The following ADGRB3 variants were observed in gnomAD, a reference collection of about 807,000 sequenced individuals.
ADGRB3 encodes the protein brain-specific angiogenesis inhibitor 3.
In ADGRB3, 37 loss-of-function variants were observed where a neutral mutation model predicts 193.4. That is an observed-to-expected ratio of 0.19 (90% CI 0.15 to 0.25). The LOEUF is 0.25. Among genes scored for constraint, ADGRB3 ranks in the 10% least tolerant of loss-of-function variants. ADGRB3 has a pLI of 1.00. For missense variants in ADGRB3, 1,637 were observed against 1,852.9 expected (o/e 0.88, Z 2.14); for synonymous variants, 690 against 644.2 (o/e 1.07, Z -1.08).
chr6:68,703,877 C>A (rs978047974), intron 3 of ADGRB3, among the ~76,000 whole-genome samples: 7 of 152,156 alleles, frequency 4.6e-5, no homozygotes, highest in African/African-American at 1.7e-4. Context: ...CCTGCCTCAG[C>A]CTCCAAAAGT....
At chr6:68,669,050 G>T (rs1297936348) in intron 3 of ADGRB3, among the ~76,000 whole-genome samples, 1 of 151,914 alleles carries the variant, frequency 6.6e-6, no homozygotes, top group Non-Finnish European at 1.5e-5. Context: ...GTGAATGTAT[G>T]TATGTATTTA....
chr6:68,675,326 G>T (rs1301983609), intron 3 of ADGRB3, among the ~76,000 whole-genome samples: 1 of 151,914 alleles, frequency 6.6e-6, no homozygotes, highest in East Asian at 1.9e-4. Context: ...TTAAATTCTG[G>T]CCCTAAAGCA....
chr6:69,103,643 T>G (rs2150322672), intron 17 of ADGRB3, among the ~76,000 whole-genome samples: 1 of 152,070 alleles, frequency 6.6e-6, no homozygotes, highest in South Asian at 2.1e-4. Flanking sequence ...TATCTTTAAT[T>G]TTATCCTGTA....
At chr6:68,794,640 C>A (rs1319149212) in intron 3 of ADGRB3, among the ~76,000 whole-genome samples, 2 of 152,050 alleles carry the variant, frequency 1.3e-5, no homozygotes, top group African/African-American at 4.8e-5. Flanking sequence ...CAATTACCAC[C>A]TTTACAATCT....
At chr6:68,789,964 A>G (rs1412421205) in intron 3 of ADGRB3, among the ~76,000 whole-genome samples, 3 of 152,046 alleles carry the variant, frequency 2.0e-5, no homozygotes, top group African/African-American at 4.8e-5. Flanking sequence ...AGGCTTCTGC[A>G]TTTGTCACGT....
intron 3 of ADGRB3, among the ~76,000 whole-genome samples, chr6:68,779,589 T>A (rs761748430): frequency 6.6e-6 from 1 of 152,136 alleles, no homozygotes; most frequent in Non-Finnish European, 1.5e-5. Context: ...GTAGTATGTC[T>A]GCCTCCGACT....
At chr6:69,155,637 A>C (rs1459862017) in intron 17 of ADGRB3, among the ~76,000 whole-genome samples, 1 of 152,200 alleles carries the variant, frequency 6.6e-6, no homozygotes, top group Admixed American at 6.5e-5. Flanking sequence ...ATCAATCCCA[A>C]TCAGTCAATC....
chr6:69,360,859 C>T lies in ADGRB3; in HGVS notation c.3596-10C>T, dbSNP rs761920905. 1.5e-5 allele frequency: 24 copies of T among 1,570,822 alleles called. 1 individual carries two copies. The South Asian group carries it at 2.7e-4, about 18-fold the overall frequency. Reference sequence around the variant, plus strand: ...ACTCTCTTTCTTCAACTTTACATTCCTACTCACAGTTCTTCATAAGGATAT... The same window carrying T: ...ACTCTCTTTCTTCAACTTTACATTCTTACTCACAGTTCTTCATAAGGATAT... On this transcript the variant is annotated splice_polypyrimidine_tract_variant and intron_variant, in intron 28 of 31. Transcript: ENST00000370598.
At chr6:69,318,011 T>G (rs559898030) in intron 20 of ADGRB3, among the ~76,000 whole-genome samples, 236 of 151,586 alleles carry the variant, frequency 1.6e-3, no homozygotes, top group Admixed American at 2.7e-3. Flanking sequence ...AATTGATTAT[T>G]TTTGGATTTT....
At chr6:68,940,660 G>A (rs1175732184) in intron 5 of ADGRB3, among the ~76,000 whole-genome samples, 1 of 149,436 alleles carries the variant, frequency 6.7e-6, no homozygotes. Flanking sequence ...AGCACTTTGG[G>A]AGGCGGAGGC....
intron 21 of ADGRB3, 23 bp from the exon 22 acceptor site, chr6:69,327,797 G>T (rs1768611886): frequency 1.2e-6 from 2 of 1,600,594 alleles, no homozygotes; most frequent in South Asian, 2.2e-5. Flanking sequence ...AAATATGAAT[G>T]CGTGACATTG....
chr6:69,267,019 T>A (rs1311661060), intron 20 of ADGRB3, among the ~76,000 whole-genome samples: 1 of 152,082 alleles, frequency 6.6e-6, no homozygotes, highest in Non-Finnish European at 1.5e-5. Context: ...ATTATGATTT[T>A]CAGAGTCTTC....
chr6:69,332,839 T>C, intron 23 of ADGRB3, 84 bp from the exon 24 acceptor site: 2 of 1,558,552 alleles, frequency 1.3e-6, no homozygotes, highest in Non-Finnish European at 1.7e-6. Context: ...GGTTATGAAT[T>C]GATAAAAATA....
At chr6:69,232,320 G>A in intron 17 of ADGRB3, 1 of 1,012,150 alleles carries the variant, frequency 9.9e-7, no homozygotes, top group Non-Finnish European at 1.3e-6. Context: ...TGCTGGGGGT[G>A]GAAGGGTTCT....
intron 17 of ADGRB3, among the ~76,000 whole-genome samples, chr6:69,217,374 A>G (rs996818303): frequency 6.6e-6 from 1 of 152,190 alleles, no homozygotes; most frequent in African/African-American, 2.4e-5. Context: ...GATTGCAAAT[A>G]AAACTTGTAT....
At chr6:69,063,061 A>G (rs956918861) in intron 16 of ADGRB3, 25 bp downstream of exon 16, 2 of 1,528,776 alleles carry the variant, frequency 1.3e-6, no homozygotes, top group Non-Finnish European at 1.8e-6. Flanking sequence ...CTGGGCACTG[A>G]CTTGCTTATG....
intron 12 of ADGRB3, among the ~76,000 whole-genome samples, chr6:69,015,243 C>T (rs1770054344): frequency 1.3e-5 from 2 of 151,892 alleles, no homozygotes; most frequent in Admixed American, 6.6e-5. Context: ...CTATCTAAAA[C>T]AAGACTGCAA....
intron 3 of ADGRB3, among the ~76,000 whole-genome samples, chr6:68,756,084 A>AC (rs1352947527): frequency 6.6e-6 from 1 of 152,162 alleles, no homozygotes; most frequent in African/African-American, 2.4e-5. Flanking sequence ...ATTAATGGGC[A>AC]CATTGGCATG....
intron 17 of ADGRB3, among the ~76,000 whole-genome samples, chr6:69,182,577 A>C (rs1434542526): frequency 6.6e-6 from 1 of 151,874 alleles, no homozygotes; most frequent in East Asian, 1.9e-4. Flanking sequence ...TGAGACTCTA[A>C]TCTTTGCTGA....
Sources: gnomAD v4.1 joint callset for allele counts (sites outside exome capture counted in the v4.1 genomes callset) on GRCh38, gnomAD v4.1.1 for gene constraint, MANE v1.5 for transcripts, NCBI Gene and HGNC (gene_info 2026-07-23, HGNC 2026-07-21) for gene names.